The following CCSER1 variants were observed in gnomAD, a reference collection of about 807,000 sequenced individuals.
The protein encoded by CCSER1 is coiled-coil serine rich protein 1.
CCSER1 carries 41 observed loss-of-function variants against 82.0 expected under a neutral mutation model. The ratio of observed to expected loss-of-function variants is 0.50; its 90% CI spans 0.39 to 0.65. The LOEUF (loss-of-function observed/expected upper bound fraction) is 0.65, where lower values mean the gene tolerates loss of function less well. Ranked by LOEUF, CCSER1 falls within the 30% of genes least tolerant of loss-of-function variation. The pLI, the probability that CCSER1 is intolerant of heterozygous loss-of-function variation, is 0.00. For synonymous variants in CCSER1, 414 were observed against 383.9 expected (o/e 1.08, Z -0.92); for missense variants, 1,119 against 1,064.2 (o/e 1.05, Z -0.72).
chr4:90,799,625 G>T (rs886845270), intron 7 of CCSER1, among the ~76,000 whole-genome samples: 2 of 152,204 alleles, frequency 1.3e-5, no homozygotes, highest in East Asian at 1.9e-4. Flanking sequence ...GGGTGCTCAG[G>T]TCGCGCAGGC....
chr4:90,295,057 A>G (rs1361764449), intron 1 of CCSER1, among the ~76,000 whole-genome samples: 1 of 151,866 alleles, frequency 6.6e-6, no homozygotes, highest in Non-Finnish European at 1.5e-5. Flanking sequence ...GCTCTTATAT[A>G]TTATGCTGTG....
chr4:90,588,006 C>CTTATACTATACCACAGTCT (rs1782223376), intron 5 of CCSER1, among the ~76,000 whole-genome samples: 3 of 152,162 alleles, frequency 2.0e-5, no homozygotes, highest in Admixed American at 2.0e-4. Flanking sequence ...TGTGCGATAG[C>CTTATACTATACCACAGTCT]ATTATGTCTA....
At chr4:91,504,669 C>A (rs1759390536) in intron 10 of CCSER1, among the ~76,000 whole-genome samples, 1 of 151,928 alleles carries the variant, frequency 6.6e-6, no homozygotes, top group Non-Finnish European at 1.5e-5. Flanking sequence ...AAATTTGACA[C>A]ATTTTTATTT....
At chr4:90,321,583 G>A (rs886635983) in intron 3 of CCSER1, among the ~76,000 whole-genome samples, 1 of 152,120 alleles carries the variant, frequency 6.6e-6, no homozygotes, top group South Asian at 2.1e-4. Context: ...ATACTTAGCA[G>A]TGAGAAAGCT....
intron 1 of CCSER1, among the ~76,000 whole-genome samples, chr4:90,177,207 A>G (rs1357132530): frequency 2.6e-5 from 4 of 152,126 alleles, no homozygotes; most frequent in African/African-American, 9.7e-5. Context: ...ATTTTAGAAT[A>G]AGTGGTATTT....
intron 1 of CCSER1, among the ~76,000 whole-genome samples, chr4:90,247,145 T>A (rs909001227): frequency 3.9e-5 from 6 of 152,196 alleles, no homozygotes; most frequent in Non-Finnish European, 7.3e-5. Context: ...CTCCTCAGAA[T>A]GGCATATAAT....
chr4:91,181,193 C>G (rs1181144606), intron 10 of CCSER1, among the ~76,000 whole-genome samples: 2 of 152,218 alleles, frequency 1.3e-5, no homozygotes, highest in Non-Finnish European at 2.9e-5. Context: ...CTGCTCCCAC[C>G]ATGTCCCCCT....
At chr4:91,284,939 C>T (rs1560565990) in intron 10 of CCSER1, among the ~76,000 whole-genome samples, 2 of 151,676 alleles carry the variant, frequency 1.3e-5, no homozygotes, top group African/African-American at 2.4e-5. Context: ...CAACAATGAA[C>T]AAAAAAATAT....
intron 6 of CCSER1, among the ~76,000 whole-genome samples, chr4:90,675,147 A>G (rs1317576171): frequency 1.3e-5 from 2 of 152,000 alleles, no homozygotes; most frequent in Admixed American, 6.6e-5. Context: ...ATAGTGCTTT[A>G]CCTCATAAGA....
intron 1 of CCSER1, among the ~76,000 whole-genome samples, chr4:90,262,614 G>A (rs943800025): frequency 3.3e-5 from 5 of 152,170 alleles, no homozygotes; most frequent in African/African-American, 1.2e-4. Context: ...AAGCCAGTGG[G>A]TAGATGCAAT....
chr4:91,317,932 G>C (rs901601834), intron 10 of CCSER1, among the ~76,000 whole-genome samples: 1 of 151,950 alleles, frequency 6.6e-6, no homozygotes, highest in African/African-American at 2.4e-5. Context: ...ACTGTGCTTT[G>C]CTCCATTTGG....
intron 7 of CCSER1, among the ~76,000 whole-genome samples, chr4:90,770,759 G>C (rs915360825): frequency 2.6e-5 from 4 of 151,822 alleles, no homozygotes; most frequent in Non-Finnish European, 5.9e-5. Flanking sequence ...ATGAGATTTT[G>C]TTTTCTGTCT....
chr4:91,292,627 C>T (rs371021363), intron 10 of CCSER1, among the ~76,000 whole-genome samples: 192 of 152,040 alleles, frequency 1.3e-3, no homozygotes, highest in African/African-American at 4.4e-3. Context: ...TCAGGGACTT[C>T]AACTCATTGC....
chr4:91,554,371 A>G (rs953036182), intron 10 of CCSER1, among the ~76,000 whole-genome samples: 2 of 151,310 alleles, frequency 1.3e-5, no homozygotes, highest in South Asian at 2.1e-4. Context: ...GTTGTATGGA[A>G]TGTTCTGTAT....
intron 10 of CCSER1, among the ~76,000 whole-genome samples, chr4:91,389,787 G>A (rs530712229): frequency 6.6e-6 from 1 of 151,958 alleles, no homozygotes; most frequent in South Asian, 2.1e-4. Context: ...TGTAAATCTT[G>A]TTAGACATAT....
chr4:91,281,761 A>T (rs1454111190), intron 10 of CCSER1, among the ~76,000 whole-genome samples: 1 of 152,162 alleles, frequency 6.6e-6, no homozygotes, highest in African/African-American at 2.4e-5. Flanking sequence ...TCAGTGTATT[A>T]TAAATATATT....
At chr4:90,546,427 T>C (rs903979289) in intron 5 of CCSER1, among the ~76,000 whole-genome samples, 1 of 152,166 alleles carries the variant, frequency 6.6e-6, no homozygotes, top group Non-Finnish European at 1.5e-5. Flanking sequence ...TTCATAGGTA[T>C]AGCTTCTGCA....
At chr4:90,205,669 G>GT (rs1378647598) in intron 1 of CCSER1, among the ~76,000 whole-genome samples, 1 of 151,950 alleles carries the variant, frequency 6.6e-6, no homozygotes, top group Non-Finnish European at 1.5e-5. Flanking sequence ...TTTTTTTGTT[G>GT]TATCTCTGCC....
At chr4:90,634,997 G>A (rs1266544015) in intron 6 of CCSER1, among the ~76,000 whole-genome samples, 1 of 151,528 alleles carries the variant, frequency 6.6e-6, no homozygotes, top group Non-Finnish European at 1.5e-5. Flanking sequence ...CTTCATAATG[G>A]TAAAAGTCAG....
Sources: allele counts gnomAD v4.1 joint callset (sites outside exome capture counted in the v4.1 genomes callset), GRCh38; gene constraint gnomAD v4.1.1; transcripts MANE v1.5; gene names NCBI Gene and HGNC (gene_info 2026-07-23, HGNC 2026-07-21).